PPP2R2C: variants seen among roughly 807,000 people sequenced by gnomAD.
The protein encoded by PPP2R2C is protein phosphatase 2, regulatory subunit B, gamma.
PPP2R2C carries 10 observed loss-of-function variants against 45.3 expected under a neutral mutation model. The observed-to-expected ratio is 0.22, with a 90% confidence interval of 0.14 to 0.37. The LOEUF is 0.37. Ranked by LOEUF, PPP2R2C falls within the 10% of genes least tolerant of loss-of-function variation. PPP2R2C has a pLI of 1.00. For missense variants in PPP2R2C, 308 were observed against 619.7 expected (o/e 0.50, Z 5.34); for synonymous variants, 257 against 245.4 (o/e 1.05, Z -0.44).
At chr4:6,343,921 T>G (rs1432666979) in intron 6 of PPP2R2C, among the ~76,000 whole-genome samples, 1 of 152,216 alleles carries the variant, frequency 6.6e-6, no homozygotes, top group Non-Finnish European at 1.5e-5. Flanking sequence ...CACCTATGAC[T>G]GTGTGTGCAA....
At chr4:6,334,670 G>T (rs1426056670) in intron 6 of PPP2R2C, among the ~76,000 whole-genome samples, 1 of 152,180 alleles carries the variant, frequency 6.6e-6, no homozygotes, top group African/African-American at 2.4e-5. Flanking sequence ...CCCAGGGAAC[G>T]ATGGGAAGAG....
chr4:6,483,228 TATTG>T (rs1197990216), intron 2 of PPP2R2C, among the ~76,000 whole-genome samples: 1 of 152,180 alleles, frequency 6.6e-6, no homozygotes, highest in East Asian at 1.9e-4. Flanking sequence ...TTAGAAGTCA[TATTG>T]ATTAATAATT....
intron 2 of PPP2R2C, among the ~76,000 whole-genome samples, chr4:6,485,253 C>T (rs530970382): frequency 6.6e-6 from 1 of 151,574 alleles, no homozygotes; most frequent in East Asian, 1.9e-4. Flanking sequence ...TGGGATAAAC[C>T]CACTTGGCTA....
Position 6,347,837 on chromosome 4 carries a change from G to A in PPP2R2C, c.790+9C>T, listed in dbSNP as rs368843869. ...GCACAGCCCCCCACCCCCAGGCACC[G>A]GCACTTACGCTTGGAATGCTTGTCA... is the stretch of plus-strand genomic sequence containing the variant. On this transcript the variant is annotated intron_variant, in intron 6 of 8. Coordinates refer to ENST00000382599, the MANE Select transcript of PPP2R2C (RefSeq NM_020416.4). The A allele has an allele frequency of 6.8e-5, 83 of 1,218,822 alleles. 1 individual carries two copies. Among genetic ancestry groups the A allele is most frequent in the African/African-American group, 4.1e-4 (24 of 58,680 alleles). The allele number at this position is 1,218,822 out of a possible 1,614,324, so 75.5% of individuals were successfully genotyped here.
intron 2 of PPP2R2C, among the ~76,000 whole-genome samples, chr4:6,482,637 G>C (rs1560578572): frequency 1.3e-5 from 2 of 152,194 alleles, no homozygotes; most frequent in Non-Finnish European, 1.5e-5. Context: ...AATAGTTTGA[G>C]AGCAGATTCT....
intron 6 of PPP2R2C, among the ~76,000 whole-genome samples, chr4:6,342,944 G>A (rs576035457): frequency 9.2e-5 from 14 of 152,328 alleles, no homozygotes; most frequent in South Asian, 4.1e-4. Flanking sequence ...CTCTTCATTC[G>A]CGGTCTGATT....
chr4:6,464,888 C>CAGAG (rs1222492027), intron 1 of PPP2R2C, among the ~76,000 whole-genome samples: 3 of 117,702 alleles, frequency 2.5e-5, no homozygotes, highest in African/African-American at 1.1e-4. Flanking sequence ...GGGGGAGAGA[C>CAGAG]AGAGAGAGAG....
At chr4:6,346,820 C>T (rs1711996260) in intron 6 of PPP2R2C, among the ~76,000 whole-genome samples, 1 of 152,204 alleles carries the variant, frequency 6.6e-6, no homozygotes, top group Admixed American at 6.5e-5. Context: ...CCAAACAGCC[C>T]TCTGCCGCCG....
chr4:6,350,706 G>C (rs1025404498), intron 5 of PPP2R2C: 2 of 985,282 alleles, frequency 2.0e-6, no homozygotes, highest in African/African-American at 3.5e-5. Flanking sequence ...TCAGAACCCA[G>C]AGTGGCCAGA....
intron 2 of PPP2R2C, among the ~76,000 whole-genome samples, chr4:6,512,197 G>A (rs1271207011): frequency 1.1e-4 from 8 of 75,830 alleles, no homozygotes; most frequent in African/African-American, 1.3e-4. Flanking sequence ...GGTGGTGGTG[G>A]TGATGGTGGT....
rs929112667 is a variant in PPP2R2C at position 6,546,819 on chromosome 4, C to G, written c.-58-11442G>C. The stretch of plus-strand genomic sequence containing the variant: ...TAAATCATGGCGCCCTCTGGTGGTC[C>G]TTATGAAAAAGGGCAGGCCGTGAAG... On this transcript the variant is annotated intron_variant, in intron 1 of 9. Transcript: ENST00000506140. Among the ~76,000 whole-genome samples the G allele has an allele frequency of 2.3e-4, 35 of 152,264 alleles. 1 individual carries two copies. Among genetic ancestry groups the G allele is most frequent in the Admixed American group, 1.8e-3 (27 of 15,290 alleles).
chr4:6,561,382 C>G (rs750553239), intron 1 of PPP2R2C, among the ~76,000 whole-genome samples: 1 of 152,014 alleles, frequency 6.6e-6, no homozygotes, highest in Non-Finnish European at 1.5e-5. Flanking sequence ...TTTAACCACA[C>G]TTTCCCCTAC....
rs1203874630 is a variant in PPP2R2C, at chr4:6,563,011, G to T, written c.-59+549C>A. Among the ~76,000 whole-genome samples, 1 of 151,364 alleles carries T rather than the reference G, an allele frequency of 6.6e-6. No homozygotes were observed. Among genetic ancestry groups the T allele is most frequent in the Non-Finnish European group, 1.5e-5 (1 of 67,972 alleles). On this transcript the variant is annotated intron_variant, in intron 1 of 9. Transcript: ENST00000506140. The surrounding 1 kb of genome is among the most constrained non-coding windows in gnomAD (Gnocchi z 5.8). ...CCAAACCAGAGCAGCAGCCGGGCCT[G>T]ACTCAGCACCCACCGGCGCGGGCAG...
Position 6,472,467 on chromosome 4 carries a change from C to G in PPP2R2C, c.-238G>C, listed in dbSNP as rs1279306560. The G allele has an allele frequency of 6.6e-6, 2 of 302,792 alleles. No individual in the cohort carries two copies. Among genetic ancestry groups the G allele is most frequent in the African/African-American group, 4.6e-5 (2 of 43,730 alleles). The allele number at this position is 302,792 out of a possible 1,614,324, so 18.8% of individuals were successfully genotyped here. On this transcript the variant is annotated 5_prime_UTR_variant, in exon 1 of 9. Transcript: ENST00000382599. ...GCCGCGGGTTCGGGCGGGCCGGGGC[C>G]CAGGCGCGCATCCCGGCCGGCCCGT...
chr4:6,349,159 G>C, intron 5 of PPP2R2C: 1 of 985,252 alleles, frequency 1.0e-6, no homozygotes, highest in Non-Finnish European at 1.2e-6. Flanking sequence ...TGACAGAAAG[G>C]CCCTCTCCCC....
intron 1 of PPP2R2C, among the ~76,000 whole-genome samples, chr4:6,410,846 TTTA>T (rs1178342175): frequency 1.4e-3 from 12 of 8,526 alleles, no homozygotes; most frequent in African/African-American, 1.7e-3. Context: ...CCCTGTTTTA[TTTA>T]TTTATTTATT....
At chr4:6,334,423 T>C (rs1427053480) in intron 6 of PPP2R2C, among the ~76,000 whole-genome samples, 2 of 152,130 alleles carry the variant, frequency 1.3e-5, no homozygotes, top group African/African-American at 4.8e-5. Context: ...ACCTGGACAA[T>C]TATAGACTGG....
At chr4:6,495,028 G>T (rs1421907377) in intron 2 of PPP2R2C, among the ~76,000 whole-genome samples, 1 of 152,210 alleles carries the variant, frequency 6.6e-6, no homozygotes, top group Non-Finnish European at 1.5e-5. Context: ...AGCAACTTGG[G>T]GAGGCCAACA....
In PPP2R2C at chr4:6,326,520, G is replaced by A. The variant is rs185911953; in HGVS notation, c.1052+2742C>T. On this transcript the variant is annotated intron_variant, in intron 8 of 8. Transcript: ENST00000382599. ...GGGAGGGCCTGCGGGATTCCTCCGG[G>A]TAGGTAACCTGGGGAAGGGCAGGCC... 2.8e-4 allele frequency among the ~76,000 whole-genome samples: 43 copies of A among 152,306 alleles called. No homozygotes were observed. The East Asian group carries it at 5.8e-3, about 21-fold the overall frequency.
Sources: allele counts gnomAD v4.1 joint callset (sites outside exome capture counted in the v4.1 genomes callset), GRCh38; gene constraint gnomAD v4.1.1; non-coding constraint Gnocchi (gnomAD v3.1); transcripts MANE v1.5; gene names NCBI Gene and HGNC (gene_info 2026-07-23, HGNC 2026-07-21).